The following WDR88 variants were observed in gnomAD, a reference collection of about 807,000 sequenced individuals.
The protein encoded by WDR88 is WD repeat-containing protein 88.
In WDR88, 40 loss-of-function variants were observed where a neutral mutation model predicts 46.8. That is an observed-to-expected ratio of 0.86 (90% confidence interval 0.66 to 1.11). The LOEUF (loss-of-function observed/expected upper bound fraction) is 1.11. Among genes scored for constraint, WDR88 ranks in the 50% most tolerant of loss-of-function variants. The pLI, the probability that WDR88 is intolerant of heterozygous loss-of-function variation, is 0.00. For synonymous variants in WDR88, 235 were observed against 240.7 expected (o/e 0.98, Z 0.22); for missense variants, 562 against 602.4 (o/e 0.93, Z 0.70).
Position 33,175,413 on chromosome 19 carries a change from G to A in WDR88, c.1260G>A (p.Arg420=). The A allele has an allele frequency of 1.9e-6, 3 of 1,614,132 alleles. No homozygotes were observed. The highest frequency in any genetic ancestry group is 2.5e-6 in the Non-Finnish European group (3 of 1,180,012). The change falls in exon 11 of 11, where the codon AGG becomes AGA. Residue 420 remains arginine (R), a synonymous_variant. Coordinates refer to ENST00000355868, the MANE Select transcript of WDR88 (RefSeq NM_173479.4). ...LKLKQCERCD[R]PFSIFKSDTS... Reference sequence around the variant, plus strand: ...CATGTCAGTGCGAAAGATGTGACAGGCCTTTCTCCATCTTCAAGAGTGACA... The same window carrying A: ...CATGTCAGTGCGAAAGATGTGACAGACCTTTCTCCATCTTCAAGAGTGACA...
At chr19:33,146,451 C>T (rs1193818648) in intron 3 of WDR88, among the ~76,000 whole-genome samples, 2 of 104,368 alleles carry the variant, frequency 1.9e-5, no homozygotes, top group Non-Finnish European at 3.6e-5. Flanking sequence ...TTCCTTCCTT[C>T]CTTCCTTCCT....
At chr19:33,150,095 C>G (rs1250417974) in intron 5 of WDR88, among the ~76,000 whole-genome samples, 2 of 152,302 alleles carry the variant, frequency 1.3e-5, no homozygotes, top group East Asian at 3.9e-4. Context: ...ATTCCTTACA[C>G]CTCCATGGGA....
Position 33,164,253 on chromosome 19 carries a change from G to C in WDR88, c.1137G>C (p.Leu379=). 6.2e-7 allele frequency: 1 copy of C among 1,614,060 alleles called. No individual in the cohort carries two copies. The highest frequency in any genetic ancestry group is 8.5e-7 in the Non-Finnish European group (1 of 1,179,892). ...TTAGCAACAACAAGAAATGGATCCT[G>C]TCTGCTTCCAAGGTAAAAGTGGTCA... The part of the protein sequence containing the change: ...VAISNNKKWI[L]SASKDRTMRL... Residue 379 remains leucine (L), a synonymous_variant, in exon 9 of 11, where the codon CTG becomes CTC. Transcript: ENST00000355868.
chr19:33,143,530 G>A (rs1973445497), intron 2 of WDR88, among the ~76,000 whole-genome samples: 1 of 151,558 alleles, frequency 6.6e-6, no homozygotes, highest in African/African-American at 2.4e-5. Flanking sequence ...TATGGTCCCA[G>A]CGACTTGGGA....
chr19:33,148,129 G>A (rs904210961), intron 4 of WDR88, among the ~76,000 whole-genome samples: 3 of 151,984 alleles, frequency 2.0e-5, no homozygotes, highest in Non-Finnish European at 1.5e-5. Context: ...AAGAACCAGG[G>A]TTCTGGCCCT....
At chr19:33,154,487 T>C (rs188450202) in intron 6 of WDR88, among the ~76,000 whole-genome samples, 3 of 152,304 alleles carry the variant, frequency 2.0e-5, no homozygotes, top group Non-Finnish European at 4.4e-5. Flanking sequence ...TGGTCTTCTG[T>C]TCCTGTGTTA....
chr19:33,132,559 G>C, intron 1 of WDR88, 114 bp downstream of exon 1: 1 of 1,462,002 alleles, frequency 6.8e-7, no homozygotes. Context: ...AGGACCCCCA[G>C]CGAGGCCCTA....
chr19:33,138,672 CT>C (rs1568358963), intron 2 of WDR88, among the ~76,000 whole-genome samples: 8 of 58,702 alleles, frequency 1.4e-4, no homozygotes, highest in Middle Eastern at 0.011. Context: ...TTTTTCCTTT[CT>C]TTTCTTTTCT....
chr19:33,169,414 T>C (rs944106749), intron 9 of WDR88, among the ~76,000 whole-genome samples: 5 of 152,092 alleles, frequency 3.3e-5, no homozygotes, highest in Admixed American at 6.6e-5. Flanking sequence ...ACAACCCATT[T>C]CAAGGATGGG....
At chr19:33,132,607 G>A (rs1010935164) in intron 1 of WDR88, among the ~76,000 whole-genome samples, 162 bp downstream of exon 1, 1 of 152,228 alleles carries the variant, frequency 6.6e-6, no homozygotes, top group Non-Finnish European at 1.5e-5. Context: ...TGTGGGCAAA[G>A]GTCAGACCCA....
At position 33,132,159 on chromosome 19, in the gene WDR88, C is replaced by T. The variant is rs766938644; in HGVS notation, c.-11C>T. The T allele has an allele frequency of 1.0e-5, 16 of 1,576,866 alleles. No individual in the cohort carries two copies. The Admixed American group carries it at 2.1e-4, about 20-fold the overall frequency. On this transcript the variant is annotated 5_prime_UTR_variant, in exon 1 of 11. Coordinates refer to ENST00000355868, the MANE Select transcript of WDR88 (RefSeq NM_173479.4). ...GGCTTGTCGGCGGCCACCGGCGGAC[C>T]GGGCTTCGAGATGGCCTCCCCGCCG...
intron 3 of WDR88, among the ~76,000 whole-genome samples, chr19:33,145,725 G>T (rs1973498581): frequency 6.6e-6 from 1 of 151,632 alleles, no homozygotes; most frequent in Non-Finnish European, 1.5e-5. Flanking sequence ...AGTAGAGAGG[G>T]GTTTCACCAT....
intron 10 of WDR88, chr19:33,174,161 A>C: frequency 6.5e-7 from 1 of 1,535,954 alleles, no homozygotes; most frequent in Non-Finnish European, 8.7e-7. Flanking sequence ...ACTGGGATCT[A>C]ATCTATTTCT....
chr19:33,132,810 C>T (rs1326066518), intron 1 of WDR88, among the ~76,000 whole-genome samples: 1 of 152,176 alleles, frequency 6.6e-6, no homozygotes. Context: ...CAGCTCTCCC[C>T]GTCCAGGAGA....
In WDR88 at chr19:33,148,872, T is replaced by G. The variant is rs1372336471; in HGVS notation, c.641T>G (p.Met214Arg). The change falls in exon 5 of 11, where the codon ATG becomes AGG. Residue 214 changes from methionine to arginine, a missense_variant. By Grantham distance (91) the Met-to-Arg change is moderately conservative. Transcript: ENST00000355868. ...GFDVDHGICI[M>R]DAENITTVSV... ...GACGTGGATCATGGAATCTGCATAATGGACGCCGAGAACATCACCACCGTT... is the reference window on the plus strand; with the variant it reads ...GACGTGGATCATGGAATCTGCATAAGGGACGCCGAGAACATCACCACCGTT... 1 of 1,614,160 alleles carries G rather than the reference T, an allele frequency of 6.2e-7. No individual in the cohort carries two copies. The highest frequency in any genetic ancestry group is 1.1e-5 in the South Asian group (1 of 91,080).
At chr19:33,134,872 G>A (rs1251763709) in intron 1 of WDR88, among the ~76,000 whole-genome samples, 3 of 67,936 alleles carry the variant, frequency 4.4e-5, no homozygotes, top group African/African-American at 1.1e-4. Context: ...ACCTGCAACC[G>A]GAAGGCCACC....
At chr19:33,155,894 G>A (rs568656767) in intron 6 of WDR88, among the ~76,000 whole-genome samples, 21 of 152,250 alleles carry the variant, frequency 1.4e-4, no homozygotes, top group African/African-American at 4.1e-4. Context: ...ACACAGGACG[G>A]CCCCCACAAC....
chr19:33,156,336 C>A lies in WDR88; in HGVS notation c.810-19C>A. The A allele has an allele frequency of 1.2e-6, 2 of 1,612,066 alleles. No homozygotes were observed. The highest frequency in any genetic ancestry group is 1.7e-6 in the Non-Finnish European group (2 of 1,179,084). Reference sequence around the variant, plus strand: ...AGGAGCAAAGCGCTAATGTGTGCACCCCACCATCTGTGTTTCAGGGCACAT... The same window carrying A: ...AGGAGCAAAGCGCTAATGTGTGCACACCACCATCTGTGTTTCAGGGCACAT... On this transcript the variant is annotated intron_variant, in intron 6 of 10. Coordinates refer to ENST00000355868, the MANE Select transcript of WDR88 (RefSeq NM_173479.4).
At chr19:33,170,104 C>G (rs1036026832) in intron 9 of WDR88, among the ~76,000 whole-genome samples, 1 of 151,778 alleles carries the variant, frequency 6.6e-6, no homozygotes, top group African/African-American at 2.4e-5. Context: ...CTTGAACTCT[C>G]GACCTCAGGT....
Sources: allele counts gnomAD v4.1 joint callset (sites outside exome capture counted in the v4.1 genomes callset), GRCh38; gene constraint gnomAD v4.1.1; transcripts MANE v1.5; gene names NCBI Gene and HGNC (gene_info 2026-07-23, HGNC 2026-07-21).